CSMD1: variants seen among roughly 807,000 people sequenced by gnomAD.
The protein encoded by CSMD1 is CUB and sushi domain-containing protein 1.
A neutral mutation model predicts 417.5 loss-of-function variants in CSMD1; 213 were observed. The ratio of observed to expected loss-of-function variants is 0.51; its 90% CI spans 0.46 to 0.57. The LOEUF is 0.57. Among genes scored for constraint, CSMD1 ranks in the 20% least tolerant of loss-of-function variants. CSMD1 has a pLI of 0.00. For synonymous variants in CSMD1, 2,862 were observed against 1,736.8 expected (o/e 1.65, Z -16.11); for missense variants, 6,923 against 4,529.7 (o/e 1.53, Z -15.17).
chr8:3,075,270 T>G (rs1813574375), intron 49 of CSMD1, among the ~76,000 whole-genome samples: 1 of 103,202 alleles, frequency 9.7e-6, no homozygotes, highest in Non-Finnish European at 2.1e-5. Flanking sequence ...TTCTTTTCTT[T>G]TCTTTCTTTC....
rs1388398708 is a variant in CSMD1 at position 3,529,117 on chromosome 8, A to G, written c.1345-35391T>C. 5.9e-5 allele frequency among the ~76,000 whole-genome samples: 9 copies of G among 152,328 alleles called. No individual in the cohort carries two copies. In the East Asian group the frequency reaches 1.2e-3, roughly 20 times the overall value. On this transcript the variant is annotated intron_variant, in intron 10 of 69. Transcript: ENST00000635120. ...GACTTCTTTGAAAAGTGAACTAATCATTATTTCATTAAAATATCCAATTGT... is the reference window on the plus strand; with the variant it reads ...GACTTCTTTGAAAAGTGAACTAATCGTTATTTCATTAAAATATCCAATTGT...
At chr8:4,564,791 C>T (rs1202546228) in intron 2 of CSMD1, among the ~76,000 whole-genome samples, 1 of 152,162 alleles carries the variant, frequency 6.6e-6, no homozygotes, top group African/African-American at 2.4e-5. Context: ...AGAACAAGCA[C>T]CTAGAATTTA....
At chr8:3,416,155 G>C (rs1416236018) in intron 12 of CSMD1, among the ~76,000 whole-genome samples, 1 of 109,668 alleles carries the variant, frequency 9.1e-6, no homozygotes, top group Non-Finnish European at 1.9e-5. Context: ...CAAAAAATTA[G>C]CCGGGCGTGT....
At chr8:4,410,953 G>A (rs1056260182) in intron 3 of CSMD1, among the ~76,000 whole-genome samples, 2 of 152,120 alleles carry the variant, frequency 1.3e-5, no homozygotes, top group African/African-American at 4.8e-5. Flanking sequence ...AGTGGGACTA[G>A]GTTAGTTATT....
chr8:3,485,538 C>CACACACAGAGAG (rs376214281), intron 11 of CSMD1, among the ~76,000 whole-genome samples: 21 of 135,026 alleles, frequency 1.6e-4, no homozygotes, highest in African/African-American at 4.1e-4. Context: ...CACACACACA[C>CACACACAGAGAG]AGAGAGAGAG....
chr8:4,543,642 G>A (rs1167383718), intron 2 of CSMD1, among the ~76,000 whole-genome samples: 1 of 124,300 alleles, frequency 8.0e-6, no homozygotes, highest in Non-Finnish European at 1.6e-5. Flanking sequence ...ATGATGGCTG[G>A]ATCATATGGG....
chr8:3,458,603 T>C (rs958245469), intron 12 of CSMD1, among the ~76,000 whole-genome samples: 4 of 152,236 alleles, frequency 2.6e-5, no homozygotes, highest in Non-Finnish European at 1.5e-5. Context: ...ATCTTATTCG[T>C]CTTGCGTTAA....
intron 3 of CSMD1, among the ~76,000 whole-genome samples, chr8:4,326,303 C>T (rs762727384): frequency 3.9e-5 from 6 of 152,056 alleles, no homozygotes; most frequent in African/African-American, 9.7e-5. Context: ...GCAAGGACAG[C>T]GGATAAGTCC....
chr8:3,217,467 C>T (rs945494734), intron 29 of CSMD1, among the ~76,000 whole-genome samples: 2 of 152,030 alleles, frequency 1.3e-5, no homozygotes, highest in African/African-American at 4.8e-5. Context: ...TCAGAGTGGG[C>T]AATGATCAGT....
intron 3 of CSMD1, among the ~76,000 whole-genome samples, chr8:4,269,402 T>G (rs1221166199): frequency 6.6e-6 from 1 of 152,154 alleles, no homozygotes; most frequent in African/African-American, 2.4e-5. Context: ...ACCACACTCC[T>G]AAGGCTGTGT....
At chr8:3,552,619 T>C (rs1449717911) in intron 10 of CSMD1, among the ~76,000 whole-genome samples, 2 of 152,200 alleles carry the variant, frequency 1.3e-5, no homozygotes. Context: ...AGGACTCAAG[T>C]GTAACGCGTA....
intron 23 of CSMD1, among the ~76,000 whole-genome samples, chr8:3,309,207 C>T (rs75511131): frequency 0.019 from 2,856 of 152,250 alleles, 89 homozygotes; most frequent in African/African-American, 0.064. Flanking sequence ...CCTATCGGCA[C>T]TGCCAGGGTG....
intron 5 of CSMD1, among the ~76,000 whole-genome samples, chr8:3,860,253 G>A (rs1240399441): frequency 6.6e-6 from 1 of 152,102 alleles, no homozygotes; most frequent in African/African-American, 2.4e-5. Flanking sequence ...GTTTCAGTCA[G>A]ACCATTGTGA....
intron 5 of CSMD1, among the ~76,000 whole-genome samples, chr8:3,762,933 G>A (rs972599655): frequency 6.6e-6 from 1 of 151,406 alleles, no homozygotes; most frequent in Non-Finnish European, 1.5e-5. Flanking sequence ...ACGCCCCACA[G>A]AGTGTTCTTT....
At chr8:3,587,835 CT>C (rs1013570704) in intron 8 of CSMD1, among the ~76,000 whole-genome samples, 3 of 152,018 alleles carry the variant, frequency 2.0e-5, no homozygotes, top group Admixed American at 6.6e-5. Flanking sequence ...CTAGGAAGTT[CT>C]TTTTTTCACC....
At chr8:4,512,195 T>C (rs1018727130) in intron 2 of CSMD1, among the ~76,000 whole-genome samples, 4 of 152,064 alleles carry the variant, frequency 2.6e-5, no homozygotes, top group Admixed American at 6.5e-5. Flanking sequence ...CATGATCACA[T>C]CAACACATGC....
Position 4,404,268 on chromosome 8 carries a change from A to G in CSMD1, c.415+15685T>C, listed in dbSNP as rs537530576. 1.9e-4 allele frequency among the ~76,000 whole-genome samples: 29 copies of G among 152,214 alleles called. 1 individual carries two copies. The South Asian group carries it at 5.8e-3, about 30-fold the overall frequency. ...TTGTGATAGGCTATATATTTATGTC[A>G]TCTATCACCTTATGATATGCTGTAT... On this transcript the variant is annotated intron_variant, in intron 3 of 69. Coordinates refer to ENST00000635120, the MANE Select transcript of CSMD1 (RefSeq NM_033225.6).
chr8:3,067,936 G>GT (rs1813053894), intron 49 of CSMD1, among the ~76,000 whole-genome samples: 1 of 152,064 alleles, frequency 6.6e-6, no homozygotes, highest in South Asian at 2.1e-4. Flanking sequence ...CTAGTAAGGG[G>GT]TAAAGCCAGA....
At chr8:4,628,630 C>G (rs1167359468) in intron 2 of CSMD1, among the ~76,000 whole-genome samples, 1 of 151,580 alleles carries the variant, frequency 6.6e-6, no homozygotes, top group African/African-American at 2.4e-5. Context: ...ATGCTCTCCT[C>G]ACACATGCCC....
Sources: allele counts gnomAD v4.1 joint callset (sites outside exome capture counted in the v4.1 genomes callset), GRCh38; gene constraint gnomAD v4.1.1; transcripts MANE v1.5; gene names NCBI Gene and HGNC (gene_info 2026-07-23, HGNC 2026-07-21).